Variants in TRPM2 observed in about 807,000 individuals in gnomAD.
The protein encoded by TRPM2 is estrogen-responsive element-associated gene 1 protein.
In TRPM2, 161 loss-of-function variants were observed where a neutral mutation model predicts 174.0. That is an observed-to-expected ratio of 0.93 (90% CI 0.81 to 1.05). The LOEUF (loss-of-function observed/expected upper bound fraction) is 1.05. TRPM2 is among the 50% of genes least tolerant of loss of function. The pLI is 0.00. For synonymous variants in TRPM2, 954 were observed against 861.3 expected (o/e 1.11, Z -1.88); for missense variants, 2,057 against 2,038.0 (o/e 1.01, Z -0.18).
At chr21:44,402,815 C>T (rs891373134) in intron 16 of TRPM2, among the ~76,000 whole-genome samples, 4 of 152,192 alleles carry the variant, frequency 2.6e-5, no homozygotes, top group African/African-American at 9.7e-5. Context: ...GAACTAGGTC[C>T]TTGGAACCCT....
intron 20 of TRPM2, among the ~76,000 whole-genome samples, chr21:44,417,630 C>G (rs1222503918): frequency 7.8e-6 from 1 of 128,970 alleles, no homozygotes; most frequent in South Asian, 2.9e-4. Flanking sequence ...GGGCGTGGCT[C>G]TGCTCTCTGG....
intron 22 of TRPM2, 197 bp from the exon 23 acceptor site, chr21:44,423,448 C>T (rs2050623626): frequency 5.2e-6 from 3 of 571,650 alleles, no homozygotes; most frequent in Non-Finnish European, 3.2e-6. Flanking sequence ...TCTGCTGAGA[C>T]ATCTTCCCCT....
chr21:44,350,619 G>A (rs2122996017), upstream of TRPM2, among the ~76,000 whole-genome samples: 2 of 129,012 alleles, frequency 1.6e-5, no homozygotes, highest in South Asian at 4.7e-4. Context: ...GGTGCAGGGC[G>A]CGGTGGGGTG....
intron 27 of TRPM2, among the ~76,000 whole-genome samples, chr21:44,428,339 C>T (rs970695094): frequency 3.3e-5 from 5 of 152,132 alleles, no homozygotes; most frequent in Non-Finnish European, 7.4e-5. Context: ...TGCCTGACTT[C>T]ATTTCCTGCT....
Position 44,399,535 on chromosome 21 carries a change from C to A in TRPM2, c.2208+94C>A. 1.3e-6 allele frequency: 2 copies of A among 1,484,504 alleles called. No homozygotes were observed. The highest frequency in any genetic ancestry group is 1.8e-6 in the Non-Finnish European group (2 of 1,113,510). 92.0% of individuals were successfully genotyped at this position (1,484,504 alleles called of 1,614,324 possible). ...TTCGTGCAGTTGGCACGCACACTCA[C>A]ACAGGCTTCAGGGCCCTCAGCAGCT... On this transcript the variant is annotated intron_variant, in intron 14 of 31. Coordinates refer to ENST00000397928, the MANE Select transcript of TRPM2 (RefSeq NM_003307.4). The surrounding 1 kb of genome is among the most constrained non-coding windows in gnomAD (Gnocchi z 4.6).
chr21:44,407,527 G>A (rs28531865), intron 19 of TRPM2, among the ~76,000 whole-genome samples: 7,657 of 137,008 alleles, frequency 0.056, 632 homozygotes, highest in African/African-American at 0.18. Flanking sequence ...CCTGTCAGTG[G>A]TTTTCAGTAT....
chr21:44,433,320 C>G (rs2051100214), intron 27 of TRPM2, among the ~76,000 whole-genome samples: 1 of 152,228 alleles, frequency 6.6e-6, no homozygotes. Context: ...CTGTGAGCTT[C>G]TTGACCAATG....
At chr21:44,407,598 G>A (rs897981600) in intron 19 of TRPM2, among the ~76,000 whole-genome samples, 2 of 151,348 alleles carry the variant, frequency 1.3e-5, no homozygotes, top group African/African-American at 4.9e-5. Flanking sequence ...CATACTCACA[G>A]TCACTCCCGT....
chr21:44,427,905 A>G (rs2050865260), intron 27 of TRPM2, among the ~76,000 whole-genome samples: 2 of 152,104 alleles, frequency 1.3e-5, no homozygotes, highest in African/African-American at 2.4e-5. Flanking sequence ...TGTTGGGGGT[A>G]TGTGGGACGG....
At chr21:44,360,857 G>C (rs1388909652) in intron 2 of TRPM2, among the ~76,000 whole-genome samples, 1 of 150,186 alleles carries the variant, frequency 6.7e-6, no homozygotes, top group African/African-American at 2.5e-5. Flanking sequence ...GTGAGCCACC[G>C]CTCTTGGCCT....
At chr21:44,380,658 C>T (rs2048852576) in intron 8 of TRPM2, among the ~76,000 whole-genome samples, 1 of 152,132 alleles carries the variant, frequency 6.6e-6, no homozygotes, top group African/African-American at 2.4e-5. Context: ...CTTTAACACG[C>T]CTTCTCAGAG....
chr21:44,415,913 G>A (rs139002524), intron 20 of TRPM2: 12 of 152,154 alleles, frequency 7.9e-5, no homozygotes, highest in African/African-American at 2.9e-4. Flanking sequence ...CAAATTAAAT[G>A]CTGAGGACCT....
Position 44,418,107 on chromosome 21 carries a change from C to A in TRPM2, c.3327C>A (p.Leu1109=). Residue 1109 remains leucine (L), a splice_region_variant and synonymous_variant, in exon 21 of 32, where the codon CTC becomes CTA. Coordinates refer to ENST00000397928, the MANE Select transcript of TRPM2 (RefSeq NM_003307.4). ...LKTPAKRHKQ[L]KNKLEKNEEA... ...CTCCGGCCAAGAGGCACAAGCAGCTCAGTATGCCAGCCCCAGTGCCTCTCC... is the reference window on the plus strand; with the variant it reads ...CTCCGGCCAAGAGGCACAAGCAGCTAAGTATGCCAGCCCCAGTGCCTCTCC... 1 of 1,608,810 alleles carries A rather than the reference C, an allele frequency of 6.2e-7. No homozygotes were observed. The highest frequency in any genetic ancestry group is 1.1e-5 in the South Asian group (1 of 90,926).
chr21:44,399,127 G>T lies in TRPM2; in HGVS notation c.2063-169G>T, dbSNP rs569835944. Among the ~76,000 whole-genome samples, 1 of 152,120 alleles carries T rather than the reference G, an allele frequency of 6.6e-6. No individual in the cohort carries two copies. The highest frequency in any genetic ancestry group is 2.1e-4 in the South Asian group (1 of 4,812). The stretch of plus-strand genomic sequence containing the variant: ...TTCCAGCCCTACGTGCCCTCTCCCT[G>T]GGGTCCTCGTCCCTGGGCCTGGGTG... On this transcript the variant is annotated intron_variant, in intron 13 of 31. Transcript: ENST00000397928. The surrounding 1 kb of genome is among the most constrained non-coding windows in gnomAD (Gnocchi z 4.6).
chr21:44,403,393 C>A (rs2049697193), intron 16 of TRPM2, among the ~76,000 whole-genome samples: 1 of 152,182 alleles, frequency 6.6e-6, no homozygotes, highest in South Asian at 2.1e-4. Context: ...AACAGTGTGG[C>A]CCCTGACAGA....
rs148508882 is a variant in TRPM2, at chr21:44,399,307, G to A, written c.2074G>A (p.Glu692Lys). 14 of 1,612,448 alleles carry A rather than the reference G, an allele frequency of 8.7e-6. No homozygotes were observed. The South Asian group carries it at 9.9e-5, about 11-fold the overall frequency. Residue 692 changes from glutamate (E) to lysine (K), a missense_variant, in exon 14 of 32, where the codon GAG becomes AAG. By Grantham distance (56) the Glu-to-Lys change is moderately conservative. Transcript: ENST00000397928. This position sits in a 1 kb window ranked among gnomAD's most constrained non-coding sequence, Gnocchi z 4.6. ...YEHRAIGVFTECYRKDEERAQ... is the reference protein window; with the variant it reads ...YEHRAIGVFTKCYRKDEERAQ... The stretch of plus-strand genomic sequence containing the variant: ...ATATCTCCGCCCAGGGGTCTTCACC[G>A]AGTGCTACCGGAAGGACGAAGAGAG...
In TRPM2 at chr21:44,369,233, G is replaced by A. The variant is rs2048450205; in HGVS notation, c.661G>A (p.Ala221Thr). Residue 221 changes from alanine (A) to threonine (T), a missense_variant, in exon 5 of 32, where the codon GCG becomes ACG. Coordinates refer to ENST00000397928, the MANE Select transcript of TRPM2 (RefSeq NM_003307.4). The part of the protein sequence containing the change: ...HTGVMKQVGE[A>T]VRDFSLSSSY... Reference sequence around the variant, plus strand: ...CGGCGTCATGAAGCAGGTAGGCGAGGCGGTGCGGGACTTCAGCCTGAGCAG... The same window carrying A: ...CGGCGTCATGAAGCAGGTAGGCGAGACGGTGCGGGACTTCAGCCTGAGCAG... The A allele has an allele frequency of 1.2e-6, 2 of 1,613,674 alleles. No homozygotes were observed. Among genetic ancestry groups the A allele is most frequent in the Non-Finnish European group, 8.5e-7 (1 of 1,179,902 alleles).
At chr21:44,400,988 T>C (rs2049598885) in intron 15 of TRPM2, among the ~76,000 whole-genome samples, 1 of 152,160 alleles carries the variant, frequency 6.6e-6, no homozygotes, top group Non-Finnish European at 1.5e-5. Context: ...GCTGAGCCCC[T>C]TCTGCAACCC....
chr21:44,418,261 T>C (rs1247124785), intron 21 of TRPM2, among the ~76,000 whole-genome samples, 153 bp downstream of exon 21: 5 of 152,136 alleles, frequency 3.3e-5, no homozygotes, highest in Admixed American at 2.0e-4. Context: ...GAGCAAGTGG[T>C]GGGGGCTGAG....
Sources: gnomAD v4.1 joint callset for allele counts (sites outside exome capture counted in the v4.1 genomes callset) on GRCh38, gnomAD v4.1.1 for gene constraint, Gnocchi (gnomAD v3.1) non-coding constraint, MANE v1.5 for transcripts, NCBI Gene and HGNC (gene_info 2026-07-23, HGNC 2026-07-21) for gene names.